CLASP1: variants seen among roughly 807,000 people sequenced by gnomAD.
CLASP1 encodes the protein cytoplasmic linker associated protein 1, also known as CLIP-associating protein 1.
A neutral mutation model predicts 192.3 loss-of-function variants in CLASP1; 38 were observed. The observed-to-expected ratio is 0.20, with a 90% CI of 0.15 to 0.26. The LOEUF (loss-of-function observed/expected upper bound fraction) is 0.26, where lower values mean the gene tolerates loss of function less well. Ranked by LOEUF, CLASP1 falls within the 10% of genes least tolerant of loss-of-function variation. The probability of loss-of-function intolerance (pLI) is 1.00; values close to 1 mark genes in which losing one functional copy is unlikely to be tolerated. For synonymous variants in CLASP1, 691 were observed against 712.8 expected (o/e 0.97, Z 0.49); for missense variants, 1,433 against 1,932.5 (o/e 0.74, Z 4.85).
intron 26 of CLASP1, chr2:121,403,721 C>A: frequency 2.2e-6 from 1 of 460,234 alleles, no homozygotes; most frequent in Non-Finnish European, 4.4e-6. Flanking sequence ...TCTTTTCCAC[C>A]ACCCCTGGAA....
At chr2:121,342,359 C>T (rs555419699) in intron 39 of CLASP1, among the ~76,000 whole-genome samples, 1 of 152,316 alleles carries the variant, frequency 6.6e-6, no homozygotes, top group East Asian at 1.9e-4. Context: ...CTCAAGCAAT[C>T]CTCCTGCCTC....
intron 34 of CLASP1, among the ~76,000 whole-genome samples, chr2:121,368,110 G>A (rs1373883451): frequency 1.3e-5 from 2 of 152,126 alleles, no homozygotes; most frequent in African/African-American, 2.4e-5. Context: ...TCTGAGGGAT[G>A]AAAGGCTCAG....
chr2:121,517,889 T>TTTTTTTTA (rs2094350772), intron 6 of CLASP1, among the ~76,000 whole-genome samples: 1 of 123,124 alleles, frequency 8.1e-6, no homozygotes, highest in Non-Finnish European at 1.8e-5. Context: ...TTTTTTTTTT[T>TTTTTTTTA]TTAGAAAAAG....
intron 7 of CLASP1, among the ~76,000 whole-genome samples, chr2:121,513,348 G>A (rs1248332269): frequency 6.6e-6 from 1 of 152,168 alleles, no homozygotes; most frequent in Non-Finnish European, 1.5e-5. Flanking sequence ...AGAATTTGTA[G>A]GAGGATTTTA....
intron 1 of CLASP1, among the ~76,000 whole-genome samples, chr2:121,613,353 T>C (rs185433461): frequency 5.3e-5 from 8 of 152,318 alleles, no homozygotes; most frequent in Admixed American, 3.9e-4. Flanking sequence ...GTCATGCTCC[T>C]TTATAGTACC....
chr2:121,380,933 G>A (rs1350276327), intron 33 of CLASP1, among the ~76,000 whole-genome samples: 1 of 152,150 alleles, frequency 6.6e-6, no homozygotes, highest in Non-Finnish European at 1.5e-5. Context: ...CTGGCTGGTG[G>A]TGAAGCTGAG....
In CLASP1 at chr2:121,605,681, C is replaced by T. The variant is rs1411938775; in HGVS notation, c.195+20G>A. On this transcript the variant is annotated intron_variant, in intron 2 of 39. Coordinates refer to ENST00000263710, the Ensembl canonical transcript of CLASP1. The stretch of plus-strand genomic sequence containing the variant: ...TGCAGCCCAGCCACCTCCAAAAGTG[C>T]CTTCTAAAGCACAGCTTACCTTGTA... 6.2e-7 allele frequency: 1 copy of T among 1,607,326 alleles called. No individual in the cohort carries two copies. The highest frequency in any genetic ancestry group is 8.5e-7 in the Non-Finnish European group (1 of 1,174,564).
intron 23 of CLASP1, among the ~76,000 whole-genome samples, chr2:121,412,077 T>C (rs1413080736): frequency 6.6e-6 from 1 of 152,188 alleles, no homozygotes; most frequent in East Asian, 1.9e-4. Context: ...AAACAATGTA[T>C]TTAAAATTTT....
chr2:121,577,919 C>A (rs1464002220), intron 2 of CLASP1, among the ~76,000 whole-genome samples: 1 of 151,982 alleles, frequency 6.6e-6, no homozygotes, highest in African/African-American at 2.4e-5. Context: ...ACAAAAATTT[C>A]ATTGACTGAT....
At chr2:121,529,648 G>C (rs1256577635) in intron 3 of CLASP1, among the ~76,000 whole-genome samples, 1 of 152,104 alleles carries the variant, frequency 6.6e-6, no homozygotes, top group South Asian at 2.1e-4. Context: ...GAAATCTGTG[G>C]GTTTTGTTTC....
At chr2:121,505,985 T>A (rs143661165) in intron 7 of CLASP1, among the ~76,000 whole-genome samples, 265 of 152,120 alleles carry the variant, frequency 1.7e-3, no homozygotes, top group Non-Finnish European at 2.8e-3. Context: ...AACACATACT[T>A]AAAAATCCAA....
At chr2:121,596,112 AG>A (rs1443897261) in intron 2 of CLASP1, among the ~76,000 whole-genome samples, 1 of 152,222 alleles carries the variant, frequency 6.6e-6, no homozygotes, top group Non-Finnish European at 1.5e-5. Context: ...AAACACATTT[AG>A]GAAGAAATGC....
At chr2:121,511,003 G>A (rs962210716) in intron 7 of CLASP1, among the ~76,000 whole-genome samples, 2 of 152,056 alleles carry the variant, frequency 1.3e-5, no homozygotes, top group African/African-American at 4.8e-5. Flanking sequence ...AGCCAGTTCA[G>A]GCTGAAACAG....
At chr2:121,379,564 T>C (rs1018380164) in intron 33 of CLASP1, among the ~76,000 whole-genome samples, 1 of 151,984 alleles carries the variant, frequency 6.6e-6, no homozygotes, top group African/African-American at 2.4e-5. Context: ...AAACAAAAAA[T>C]ATATATACAA....
At chr2:121,413,010 C>T (rs1329654255) in intron 23 of CLASP1, among the ~76,000 whole-genome samples, 1 of 152,186 alleles carries the variant, frequency 6.6e-6, no homozygotes, top group Non-Finnish European at 1.5e-5. Flanking sequence ...GTAATCCCAG[C>T]ACTCTGGGAG....
chr2:121,364,582 TA>T (rs1391379547), intron 36 of CLASP1: 1 of 160,174 alleles, frequency 6.2e-6, no homozygotes, highest in African/African-American at 2.4e-5. Flanking sequence ...TTTAAATTAA[TA>T]ATACAAAAAT....
chr2:121,418,808 A>G, intron 22 of CLASP1, 79 bp from the exon 23 acceptor site: 1 of 1,035,318 alleles, frequency 9.7e-7, no homozygotes, highest in Non-Finnish European at 1.5e-6. Flanking sequence ...TGTCAGTCAC[A>G]TTTGGTTAAT....
intron 30 of CLASP1, among the ~76,000 whole-genome samples, chr2:121,391,681 T>C (rs1340273119): frequency 6.6e-6 from 1 of 152,144 alleles, no homozygotes; most frequent in Non-Finnish European, 1.5e-5. Context: ...GGTGGGCAGA[T>C]CAACTGAGGT....
intron 34 of CLASP1, among the ~76,000 whole-genome samples, chr2:121,376,526 T>TGGGGGGGGGGCGGGGGAGGGGG (rs61313144): frequency 9.5e-6 from 1 of 105,134 alleles, no homozygotes; most frequent in Non-Finnish European, 1.9e-5. Flanking sequence ...TGGGAAGGGG[T>TGGGGGGGGGGCGGGGGAGGGGG]GGGGGGGGGG....
Sources: allele counts gnomAD v4.1 joint callset (sites outside exome capture counted in the v4.1 genomes callset), GRCh38; gene constraint gnomAD v4.1.1; transcripts MANE v1.5; gene names NCBI Gene and HGNC (gene_info 2026-07-23, HGNC 2026-07-21).